TIAM1: variants seen among roughly 807,000 people sequenced by gnomAD.
TIAM1 encodes rho guanine nucleotide exchange factor TIAM1.
Under a neutral mutation model 163.5 loss-of-function variants are expected in TIAM1, and 65 were observed. That is an observed-to-expected ratio of 0.40 (90% CI 0.33 to 0.49). The LOEUF is 0.49. Among genes scored for constraint, TIAM1 ranks in the 20% least tolerant of loss-of-function variants. TIAM1 has a pLI of 0.77. For missense variants in TIAM1, 1,789 were observed against 2,044.7 expected (o/e 0.87, Z 2.41); for synonymous variants, 833 against 810.1 (o/e 1.03, Z -0.48).
rs539782885 is a variant in TIAM1, at chr21:31,494,385, A to C, written c.-421-30350T>G. Among the ~76,000 whole-genome samples the C allele has an allele frequency of 2.2e-4, 33 of 152,344 alleles. 1 individual carries two copies. The highest frequency in any genetic ancestry group is 7.9e-4 in the African/African-American group (33 of 41,590). ...ACCCTCCCTTTTCCTATTTCCAATGAAGAATCCTCTTTCTCCCAAAGCAAA... is the reference window on the plus strand; with the variant it reads ...ACCCTCCCTTTTCCTATTTCCAATGCAGAATCCTCTTTCTCCCAAAGCAAA... On this transcript the variant is annotated intron_variant, in intron 1 of 28. Coordinates refer to the TIAM1 transcript ENST00000286827.
intron 2 of TIAM1, among the ~76,000 whole-genome samples, chr21:31,298,665 G>A (rs1010550531): frequency 1.3e-5 from 2 of 151,742 alleles, no homozygotes; most frequent in Non-Finnish European, 2.9e-5. Flanking sequence ...AATCACTAAC[G>A]TGACAGACGT....
intron 15 of TIAM1, among the ~76,000 whole-genome samples, chr21:31,171,559 C>T (rs548525450): frequency 3.5e-4 from 53 of 152,152 alleles, no homozygotes; most frequent in Admixed American, 4.6e-4. Context: ...TTTTTATCCC[C>T]ATATGTCATG....
At chr21:31,307,007 T>G (rs1398968842) in intron 2 of TIAM1, among the ~76,000 whole-genome samples, 1 of 151,690 alleles carries the variant, frequency 6.6e-6, no homozygotes, top group Non-Finnish European at 1.5e-5. Flanking sequence ...TTCTTCATAC[T>G]GCATTGCATC....
At chr21:31,493,970 A>G (rs1179559338) in intron 1 of TIAM1, among the ~76,000 whole-genome samples, 1 of 152,214 alleles carries the variant, frequency 6.6e-6, no homozygotes, top group East Asian at 1.9e-4. Context: ...GCTGGAGTAC[A>G]GTGGCGCAAT....
intron 12 of TIAM1, among the ~76,000 whole-genome samples, chr21:31,201,677 A>C (rs1205546204): frequency 1.3e-5 from 2 of 152,218 alleles, no homozygotes; most frequent in Non-Finnish European, 2.9e-5. Flanking sequence ...AAAAGAGAAT[A>C]ATACTTGGGT....
chr21:31,353,625 T>TA (rs1427342441), intron 2 of TIAM1, among the ~76,000 whole-genome samples: 3 of 151,982 alleles, frequency 2.0e-5, no homozygotes, highest in Non-Finnish European at 2.9e-5. Context: ...ATTTAACAGA[T>TA]AAAGAAAACT....
chr21:31,352,626 C>T (rs1015431884), intron 2 of TIAM1, among the ~76,000 whole-genome samples: 10 of 149,752 alleles, frequency 6.7e-5, no homozygotes, highest in Non-Finnish European at 1.3e-4. Flanking sequence ...CCGAGGTGGG[C>T]GGATCACTTG....
At chr21:31,367,043 T>A (rs1475665387) in intron 2 of TIAM1, among the ~76,000 whole-genome samples, 2 of 151,784 alleles carry the variant, frequency 1.3e-5, no homozygotes, top group Admixed American at 6.6e-5. Flanking sequence ...CAGATTTGGA[T>A]GGGTCCCAGA....
intron 1 of TIAM1, among the ~76,000 whole-genome samples, chr21:31,476,229 T>C (rs894047684): frequency 6.6e-6 from 1 of 152,240 alleles, no homozygotes; most frequent in Non-Finnish European, 1.5e-5. Flanking sequence ...TTCTCAACAA[T>C]GAAATGTGCA....
At chr21:31,369,585 AT>A (rs1487943545) in intron 2 of TIAM1, among the ~76,000 whole-genome samples, 1 of 152,254 alleles carries the variant, frequency 6.6e-6, no homozygotes, top group Non-Finnish European at 1.5e-5. Flanking sequence ...ACGTAAAAAA[AT>A]AATAAATGTT....
At chr21:31,398,636 A>G (rs909715882) in intron 2 of TIAM1, among the ~76,000 whole-genome samples, 1 of 152,378 alleles carries the variant, frequency 6.6e-6, no homozygotes, top group African/African-American at 2.4e-5. Flanking sequence ...GTTCCCAGAC[A>G]GGAAAATTCT....
At chr21:31,382,163 G>A (rs2076788983) in intron 2 of TIAM1, among the ~76,000 whole-genome samples, 1 of 152,208 alleles carries the variant, frequency 6.6e-6, no homozygotes, top group Admixed American at 6.5e-5. Flanking sequence ...AAAATGATAA[G>A]CACATCTCCC....
intron 16 of TIAM1, among the ~76,000 whole-genome samples, chr21:31,159,753 C>A (rs982384615): frequency 1.3e-5 from 2 of 152,194 alleles, no homozygotes; most frequent in African/African-American, 4.8e-5. Context: ...ATCTAATAGT[C>A]GACAGACTGA....
rs79622447 is a variant in TIAM1 at position 31,539,802 on chromosome 21, C to T, written c.-422+19125G>A. Among the ~76,000 whole-genome samples the T allele has an allele frequency of 2.4e-3, 362 of 152,224 alleles. 1 individual carries two copies. Among genetic ancestry groups the T allele is most frequent in the African/African-American group, 8.5e-3 (352 of 41,534 alleles). ...ATCGCACCCAGGTTGTGTGGCCTGTCACGGATCTAATCTCTTTGCTTCTCC... is the reference window on the plus strand; with the variant it reads ...ATCGCACCCAGGTTGTGTGGCCTGTTACGGATCTAATCTCTTTGCTTCTCC... On this transcript the variant is annotated intron_variant, in intron 1 of 28. Coordinates refer to the TIAM1 transcript ENST00000286827.
At chr21:31,506,156 TCTTC>T (rs2047019169) in intron 1 of TIAM1, among the ~76,000 whole-genome samples, 1 of 151,442 alleles carries the variant, frequency 6.6e-6, no homozygotes, top group South Asian at 2.1e-4. Context: ...GCACGACTCC[TCTTC>T]ACAGCAGGAA....
chr21:31,165,181 C>A (rs2084148767), intron 15 of TIAM1, 116 bp from the exon 16 acceptor site: 1 of 807,924 alleles, frequency 1.2e-6, no homozygotes, highest in African/African-American at 1.7e-5. Context: ...TACTGTAAGA[C>A]CCTCCAAGTA....
intron 1 of TIAM1, among the ~76,000 whole-genome samples, chr21:31,523,187 C>T (rs545268550): frequency 2.6e-5 from 4 of 152,268 alleles, no homozygotes; most frequent in South Asian, 2.1e-4. Flanking sequence ...CCATTACAAA[C>T]GGTATCAAAG....
intron 1 of TIAM1, among the ~76,000 whole-genome samples, chr21:31,473,125 A>T (rs1453830928): frequency 2.0e-5 from 3 of 152,094 alleles, no homozygotes; most frequent in African/African-American, 7.2e-5. Flanking sequence ...TCCCAGAATT[A>T]GTTACTTACA....
chr21:31,379,024 T>A (rs1057330092), intron 2 of TIAM1, among the ~76,000 whole-genome samples: 9 of 152,210 alleles, frequency 5.9e-5, no homozygotes, highest in Non-Finnish European at 1.0e-4. Flanking sequence ...CAGTTGACAA[T>A]GCAATGGCGC....
Sources: allele counts gnomAD v4.1 joint callset (sites outside exome capture counted in the v4.1 genomes callset), GRCh38; gene constraint gnomAD v4.1.1; transcripts MANE v1.5; gene names NCBI Gene and HGNC (gene_info 2026-07-23, HGNC 2026-07-21).